The following NPPC variants were observed in gnomAD, a reference collection of about 807,000 sequenced individuals.
NPPC encodes the protein C-type natriuretic peptide.
A neutral mutation model predicts 10.2 loss-of-function variants in NPPC; 4 were observed. That is an observed-to-expected ratio of 0.39 (90% confidence interval 0.19 to 0.90). The LOEUF (loss-of-function observed/expected upper bound fraction) is 0.90. Ranked by LOEUF, NPPC falls within the 40% of genes least tolerant of loss-of-function variation. NPPC has a pLI of 0.37. For synonymous variants in NPPC, 83 were observed against 87.3 expected (o/e 0.95, Z 0.27); for missense variants, 182 against 173.8 (o/e 1.05, Z -0.26).
rs1172521607 is a variant in NPPC, at chr2:231,925,714, A to T, written c.92T>A (p.Val31Asp). Residue 31 changes from valine (V) to aspartate (D), a missense_variant and splice_region_variant, in exon 2 of 3, where the codon GTC (valine) becomes GAC (aspartate). Coordinates refer to ENST00000409852, the MANE Select transcript of NPPC (RefSeq NM_024409.4). Reference sequence around the variant, plus strand: ...CTCCTCTGCCGGCGGGGTTCGCGGGACCTGTCCGAGGAAAGAGCGGGCAGG... The same window carrying T: ...CTCCTCTGCCGGCGGGGTTCGCGGGTCCTGTCCGAGGAAAGAGCGGGCAGG... Reference protein sequence around the residue: ...SEAKPGAPPKVPRTPPAEELA... With the variant: ...SEAKPGAPPKDPRTPPAEELA... The T allele has an allele frequency of 2.6e-6, 4 of 1,560,014 alleles. No homozygotes were observed. Among genetic ancestry groups the T allele is most frequent in the Admixed American group, 3.6e-5 (2 of 55,882 alleles).
chr2:231,925,666 C>A lies in NPPC; in HGVS notation c.140G>T (p.Gly47Val), dbSNP rs751563213. Residue 47 changes from glycine (G) to valine (V), a missense_variant, in exon 2 of 3, where the codon GGC (glycine) becomes GTC (valine). Coordinates refer to ENST00000409852, the MANE Select transcript of NPPC (RefSeq NM_024409.4). Reference sequence around the variant, plus strand: ...CTTGTCGCCCTTCTTCTGACCGCCGCCCGCAGCCTGCGGCTCGGCCAGCTC... The same window carrying A: ...CTTGTCGCCCTTCTTCTGACCGCCGACCGCAGCCTGCGGCTCGGCCAGCTC... Reference protein sequence around the residue: ...AEELAEPQAAGGGQKKGDKAP... With the variant: ...AEELAEPQAAVGGQKKGDKAP... 1.2e-6 allele frequency: 2 copies of A among 1,600,434 alleles called. No individual in the cohort carries two copies. Among genetic ancestry groups the A allele is most frequent in the Non-Finnish European group, 8.5e-7 (1 of 1,175,848 alleles).
In NPPC at chr2:231,925,513, T is replaced by C; in HGVS notation, c.293A>G (p.Tyr98Cys). 1.9e-6 allele frequency: 3 copies of C among 1,613,084 alleles called. No individual in the cohort carries two copies. Among genetic ancestry groups the C allele is most frequent in the Non-Finnish European group, 2.5e-6 (3 of 1,179,718 alleles). Reference sequence around the variant, plus strand: ...CAAGCCCTTCTTGTTGGCTCCTTTGTATTTGCGCGCGTTGGGGTGCTCTTG... The same window carrying C: ...CAAGCCCTTCTTGTTGGCTCCTTTGCATTTGCGCGCGTTGGGGTGCTCTTG... Reference protein sequence around the residue: ...LLQEHPNARKYKGANKKGLSK... With the variant: ...LLQEHPNARKCKGANKKGLSK... Residue 98 changes from tyrosine to cysteine, a missense_variant, in exon 2 of 3, where the codon TAC becomes TGC. Coordinates refer to ENST00000409852, the MANE Select transcript of NPPC (RefSeq NM_024409.4).
chr2:231,925,750 C>G, intron 1 of NPPC, 35 bp from the exon 2 acceptor site: 1 of 1,494,512 alleles, frequency 6.7e-7, no homozygotes, highest in Non-Finnish European at 8.9e-7. Flanking sequence ...TGAAGGGACA[C>G]GCGGCTGCAG....
At chr2:231,924,555 A>G (rs1691972622) in intron 2 of NPPC, among the ~76,000 whole-genome samples, 1 of 152,232 alleles carries the variant, frequency 6.6e-6, no homozygotes, top group Non-Finnish European at 1.5e-5. Flanking sequence ...TTCAGTGGGC[A>G]CGGGCAGGCG....
Position 231,926,318 on chromosome 2 carries a change from A to AG in NPPC, c.-70dup. 2 of 1,058,578 alleles carry AG rather than the reference A, an allele frequency of 1.9e-6. No individual in the cohort carries two copies. The highest frequency in any genetic ancestry group is 2.4e-6 in the Non-Finnish European group (2 of 821,762). 65.6% of individuals were successfully genotyped at this position (1,058,578 alleles called of 1,614,324 possible). On this transcript the variant is annotated 5_prime_UTR_variant, in exon 1 of 3. Transcript: ENST00000409852. ...CGCGCAGGTCGGCGGGCAGACCAGCAGGGGGATGCGGAGCAGGCTGGCTGG... is the reference window on the plus strand; with the variant it reads ...CGCGCAGGTCGGCGGGCAGACCAGCAGGGGGGATGCGGAGCAGGCTGGCTGG...
chr2:231,925,640 C>G lies in NPPC; in HGVS notation c.166G>C (p.Ala56Pro). 1 of 1,606,356 alleles carries G rather than the reference C, an allele frequency of 6.2e-7. No homozygotes were observed. Among genetic ancestry groups the G allele is most frequent in the East Asian group, 2.2e-5 (1 of 44,718 alleles). Reference sequence around the variant, plus strand: ...AGATTGGCGCCCCCGCCCCCGGGAGCCTTGTCGCCCTTCTTCTGACCGCCG... The same window carrying G: ...AGATTGGCGCCCCCGCCCCCGGGAGGCTTGTCGCCCTTCTTCTGACCGCCG... ...AGGGQKKGDK[A>P]PGGGGANLKG... is the part of the protein sequence containing the mutation. The change falls in exon 2 of 3, where the codon GCT (alanine) becomes CCT (proline). Residue 56 changes from alanine to proline, a missense_variant. Physicochemically the swap from Ala to Pro is conservative, Grantham distance 27. Coordinates refer to ENST00000409852, the MANE Select transcript of NPPC (RefSeq NM_024409.4).
chr2:231,925,763 CGG>C, intron 1 of NPPC, 48 bp from the exon 2 acceptor site: 1 of 1,466,748 alleles, frequency 6.8e-7, no homozygotes, highest in South Asian at 1.4e-5. Context: ...GGCTGCAGCA[CGG>C]GGGACTCTGA....
chr2:231,922,643 C>T (rs1457124836), intron 2 of NPPC, among the ~76,000 whole-genome samples: 3 of 152,204 alleles, frequency 2.0e-5, no homozygotes, highest in South Asian at 2.1e-4. Flanking sequence ...ATCTCCCATC[C>T]CTTTTTTGCT....
intron 2 of NPPC, 87 bp downstream of exon 2, chr2:231,925,318 A>T: frequency 8.5e-7 from 1 of 1,174,814 alleles, no homozygotes; most frequent in Non-Finnish European, 1.1e-6. Flanking sequence ...ACTTGAGCAA[A>T]GGCGGCTCGC....
intron 1 of NPPC, 23 bp downstream of exon 1, chr2:231,926,137 G>T: frequency 7.8e-7 from 1 of 1,275,482 alleles, no homozygotes; most frequent in Non-Finnish European, 9.9e-7. Flanking sequence ...TCCCAGGCTC[G>T]GCGTCCCCAC....
At position 231,926,236 on chromosome 2, in the gene NPPC, T is replaced by A. The variant is rs1692007143; in HGVS notation, c.14A>T (p.Gln5Leu). 1.5e-6 allele frequency: 2 copies of A among 1,317,794 alleles called. No homozygotes were observed. The highest frequency in any genetic ancestry group is 4.6e-5 in the South Asian group (2 of 43,080). The allele number at this position is 1,317,794 out of a possible 1,614,324, so 81.6% of individuals were successfully genotyped here. MHLS[Q>L]LLACALLLTL... ...GAGCAGCAGGGCGCAGGCCAGCAGC[T>A]GGGAGAGATGCATGGTGCCGCTGGG... The change falls in exon 1 of 3, where the codon CAG becomes CTG. Residue 5 changes from glutamine to leucine, a missense_variant. Gln to Leu is a moderately radical substitution (Grantham distance 113). Coordinates refer to ENST00000409852, the MANE Select transcript of NPPC (RefSeq NM_024409.4).
At chr2:231,926,135 T>C in intron 1 of NPPC, 25 bp downstream of exon 1, 1 of 1,271,116 alleles carries the variant, frequency 7.9e-7, no homozygotes, top group Non-Finnish European at 9.9e-7. Flanking sequence ...TCTCCCAGGC[T>C]CGGCGTCCCC....
At position 231,925,768 on chromosome 2, in the gene NPPC, G is replaced by T. The variant is rs538538404; in HGVS notation, c.91-53C>A. The stretch of plus-strand genomic sequence containing the variant: ...AGGGACACGCGGCTGCAGCACGGGG[G>T]ACTCTGATGCTCCAGCCCCACGCGC... On this transcript the variant is annotated intron_variant, in intron 1 of 2. Coordinates refer to ENST00000409852, the MANE Select transcript of NPPC (RefSeq NM_024409.4). 1.2e-4 allele frequency: 179 copies of T among 1,459,008 alleles called. 1 individual carries two copies. The African/African-American group carries it at 1.9e-3, about 15-fold the overall frequency. The allele number at this position is 1,459,008 out of a possible 1,614,324, so 90.4% of individuals were successfully genotyped here. A position where few individuals can be genotyped will look rare whatever the true frequency, so the allele number is the denominator to read the frequency against.
chr2:231,924,992 G>T (rs183895481), intron 2 of NPPC, among the ~76,000 whole-genome samples: 1 of 152,284 alleles, frequency 6.6e-6, no homozygotes, highest in African/African-American at 2.4e-5. Context: ...ACTACAGGGG[G>T]CATGGTGGCC....
At chr2:231,925,358 C>G in intron 2 of NPPC, 47 bp downstream of exon 2, 4 of 1,392,556 alleles carry the variant, frequency 2.9e-6, no homozygotes, top group Non-Finnish European at 3.7e-6. Context: ...GGGCGGCGGG[C>G]GGTCCCGGGC....
chr2:231,922,095 A>T lies in NPPC; in HGVS notation c.*241T>A. 6.6e-6 allele frequency: 1 copy of T among 150,824 alleles called. No individual in the cohort carries two copies. Among genetic ancestry groups the T allele is most frequent in the East Asian group, 1.9e-4 (1 of 5,174 alleles). The allele number at this position is 150,824 out of a possible 1,614,324, so 9.3% of individuals were successfully genotyped here. ...TGTTTCATGTATATAATATATATAT[A>T]ATATATAACTTTTTATTTTTCATTT... is the stretch of plus-strand genomic sequence containing the variant. On this transcript the variant is annotated 3_prime_UTR_variant, in exon 3 of 3. Transcript: ENST00000409852.
At chr2:231,926,072 C>A in intron 1 of NPPC, 88 bp downstream of exon 1, 1 of 1,065,012 alleles carries the variant, frequency 9.4e-7, no homozygotes, top group East Asian at 3.2e-5. Context: ...CCTGCCTTCC[C>A]TCTCTCCTGG....
intron 2 of NPPC, among the ~76,000 whole-genome samples, chr2:231,924,501 G>C (rs1476555886): frequency 6.6e-6 from 1 of 152,256 alleles, no homozygotes; most frequent in Non-Finnish European, 1.5e-5. Flanking sequence ...AGGTAAGCCT[G>C]ATCCTAACGC....
At chr2:231,923,113 G>A (rs979823161) in intron 2 of NPPC, among the ~76,000 whole-genome samples, 21 of 152,336 alleles carry the variant, frequency 1.4e-4, no homozygotes, top group African/African-American at 4.6e-4. Context: ...CTTCAGGGGC[G>A]TTCAGTGCCC....
Sources: gnomAD v4.1 joint callset for allele counts (sites outside exome capture counted in the v4.1 genomes callset) on GRCh38, gnomAD v4.1.1 for gene constraint, MANE v1.5 for transcripts, NCBI Gene and HGNC (gene_info 2026-07-23, HGNC 2026-07-21) for gene names.